TMCC3: variants seen among roughly 807,000 people sequenced by gnomAD.
TMCC3 encodes the protein transmembrane and coiled-coil domain protein 3.
A neutral mutation model predicts 40.2 loss-of-function variants in TMCC3; 28 were observed. The observed-to-expected ratio is 0.70, with a 90% CI of 0.52 to 0.95. The LOEUF (loss-of-function observed/expected upper bound fraction) is 0.95. TMCC3 is among the 40% of genes least tolerant of loss of function. The probability of loss-of-function intolerance (pLI) is 0.00; values close to 1 mark genes in which losing one functional copy is unlikely to be tolerated. For missense variants in TMCC3, 554 were observed against 615.2 expected, an observed-to-expected ratio of 0.90 and a Z score of 1.05; for synonymous variants, 255 against 248.5, an observed-to-expected ratio of 1.03 and a Z score of -0.25.
intron 2 of TMCC3, 140 bp from the exon 3 acceptor site, chr12:94,578,669 G>T: frequency 3.2e-6 from 3 of 933,000 alleles, no homozygotes; most frequent in Non-Finnish European, 3.1e-6. Context: ...AGTAAGGCTA[G>T]CTGTGGGAAT....
intron 3 of TMCC3, among the ~76,000 whole-genome samples, chr12:94,574,055 T>C (rs1336869352): frequency 3.9e-5 from 6 of 152,076 alleles, no homozygotes; most frequent in Admixed American, 2.6e-4. Context: ...ACACACTGGC[T>C]GAATATGAAA....
chr12:94,624,799 G>C (rs2068894639), intron 1 of TMCC3, among the ~76,000 whole-genome samples: 1 of 151,998 alleles, frequency 6.6e-6, no homozygotes, highest in African/African-American at 2.4e-5. Flanking sequence ...TTAAGAGAGG[G>C]GGAAATGAAG....
chr12:94,649,279 T>G (rs889016723), intron 1 of TMCC3, among the ~76,000 whole-genome samples: 3 of 152,236 alleles, frequency 2.0e-5, no homozygotes, highest in Non-Finnish European at 4.4e-5. Context: ...ACCAAAATCC[T>G]GCACAAAGGG....
At position 94,571,606 on chromosome 12, in the gene TMCC3, G is replaced by A; in HGVS notation, c.1263C>T (p.Phe421=). ...ACACACACACTAAGATGACAGTCAT[G>A]AAGGCCAGGATCACGTTGATGCACC... is the stretch of plus-strand genomic sequence containing the variant. ...LGRCINVILA[F]MTVILVCVST... The change falls in exon 4 of 4, where the codon TTC becomes TTT. Residue 421 remains phenylalanine (F), a synonymous_variant. Coordinates refer to ENST00000261226, the MANE Select transcript of TMCC3 (RefSeq NM_020698.4). 1 of 1,614,200 alleles carries A rather than the reference G, an allele frequency of 6.2e-7. No homozygotes were observed. The highest frequency in any genetic ancestry group is 8.5e-7 in the Non-Finnish European group (1 of 1,180,050).
rs566743433 is a variant in TMCC3, at chr12:94,639,765, A to G, written c.78+10588T>C. Among the ~76,000 whole-genome samples, 38 of 35,022 alleles carry G rather than the reference A, an allele frequency of 1.1e-3. No individual in the cohort carries two copies. The South Asian group carries it at 0.025, about 23-fold the overall frequency. 23.0% of individuals were successfully genotyped at this position (35,022 alleles called of 152,430 possible). ...AAGGAAGCCAAAATCAAGAGGTAAG[A>G]AAAAAAAAAAAAAAAGAAGAAGAAA... On this transcript the variant is annotated intron_variant, in intron 1 of 3. Transcript: ENST00000261226.
rs1025610048 is a variant in TMCC3, at chr12:94,650,488, C to A, written c.-58G>T. ...CTGGGGCTGCCGCGCCGCGAGCCAC[C>A]GGCTGTGCTCGGGATCACCCTGGGA... On this transcript the variant is annotated 5_prime_UTR_variant, in exon 1 of 4. Coordinates refer to ENST00000261226, the MANE Select transcript of TMCC3 (RefSeq NM_020698.4). 8.3e-7 allele frequency: 1 copy of A among 1,207,230 alleles called. No homozygotes were observed. The highest frequency in any genetic ancestry group is 1.0e-6 in the Non-Finnish European group (1 of 963,408). 74.8% of individuals were successfully genotyped at this position (1,207,230 alleles called of 1,614,324 possible).
At chr12:94,629,857 AAAT>A (rs1164270138) in intron 1 of TMCC3, among the ~76,000 whole-genome samples, 14 of 152,374 alleles carry the variant, frequency 9.2e-5, no homozygotes, top group Non-Finnish European at 1.6e-4. Context: ...AATAAGGTTC[AAAT>A]GGAGACCCTG....
chr12:94,583,498 A>C (rs895963527), intron 1 of TMCC3, among the ~76,000 whole-genome samples: 1 of 152,096 alleles, frequency 6.6e-6, no homozygotes, highest in Non-Finnish European at 1.5e-5. Flanking sequence ...ACAGAGTGAG[A>C]CTCTGTCTCA....
chr12:94,628,193 A>C (rs1594294712), intron 1 of TMCC3, among the ~76,000 whole-genome samples: 1 of 152,162 alleles, frequency 6.6e-6, no homozygotes, highest in East Asian at 1.9e-4. Context: ...CATGTTGTGG[A>C]GACATAGGTA....
chr12:94,601,960 C>T (rs2068755832), intron 1 of TMCC3, among the ~76,000 whole-genome samples: 1 of 151,902 alleles, frequency 6.6e-6, no homozygotes, highest in East Asian at 1.9e-4. Flanking sequence ...TGAGTATTTG[C>T]TGTGATGTTC....
chr12:94,589,303 T>C (rs2068657805), intron 1 of TMCC3, among the ~76,000 whole-genome samples: 1 of 152,200 alleles, frequency 6.6e-6, no homozygotes, highest in Admixed American at 6.5e-5. Flanking sequence ...TTTGCCATCG[T>C]ATTAATGTCA....
At chr12:94,626,207 C>T (rs2068903539) in intron 1 of TMCC3, among the ~76,000 whole-genome samples, 1 of 152,166 alleles carries the variant, frequency 6.6e-6, no homozygotes, top group African/African-American at 2.4e-5. Context: ...AAATCGCCCC[C>T]ATAATCCAAT....
Position 94,603,098 on chromosome 12 carries a change from T to C in TMCC3, c.79-20560A>G, listed in dbSNP as rs117249447. 8.6e-3 allele frequency among the ~76,000 whole-genome samples: 1,312 copies of C among 152,294 alleles called. 25 individuals carry two copies. Among genetic ancestry groups the C allele is most frequent in the East Asian group, 0.065 (336 of 5,182 alleles). On this transcript the variant is annotated intron_variant, in intron 1 of 3. Coordinates refer to ENST00000261226, the MANE Select transcript of TMCC3 (RefSeq NM_020698.4). ...TTTATAATGAATCTTATTTTTTATT[T>C]TTTTGAGACAGAGTCTTGCTCTGTC... is the stretch of plus-strand genomic sequence containing the variant.
chr12:94,638,154 A>T (rs1285919850), intron 1 of TMCC3, among the ~76,000 whole-genome samples: 1 of 152,220 alleles, frequency 6.6e-6, no homozygotes, highest in Non-Finnish European at 1.5e-5. Flanking sequence ...TACGCAAAAT[A>T]TACACTCAAT....
At chr12:94,589,854 G>A (rs2068661699) in intron 1 of TMCC3, among the ~76,000 whole-genome samples, 1 of 152,172 alleles carries the variant, frequency 6.6e-6, no homozygotes, top group African/African-American at 2.4e-5. Flanking sequence ...TAGCTTAGGT[G>A]GGGCTCAACT....
chr12:94,584,183 G>A (rs1036622039), intron 1 of TMCC3, among the ~76,000 whole-genome samples: 8 of 152,156 alleles, frequency 5.3e-5, no homozygotes, highest in East Asian at 3.9e-4. Context: ...TCATGGGGGC[G>A]GATTTCTCAT....
chr12:94,639,169 A>T (rs1266509890), intron 1 of TMCC3, among the ~76,000 whole-genome samples: 5 of 152,234 alleles, frequency 3.3e-5, no homozygotes, highest in Non-Finnish European at 7.3e-5. Flanking sequence ...TAATACAGAG[A>T]GAAGCAAGCT....
chr12:94,619,265 T>C lies in TMCC3; in HGVS notation c.78+31088A>G, dbSNP rs561334508. On this transcript the variant is annotated intron_variant, in intron 1 of 3. Coordinates refer to ENST00000261226, the MANE Select transcript of TMCC3 (RefSeq NM_020698.4). ...GAGCAGGTCACATCCAGGAAATGGT[T>C]TGCCTGATCTAGAGCAGGATTTTCT... Among the ~76,000 whole-genome samples the C allele has an allele frequency of 8.5e-5, 13 of 152,318 alleles. No individual in the cohort carries two copies. In the South Asian group the frequency reaches 2.1e-3, roughly 24 times the overall value.
At chr12:94,583,864 T>C (rs1298207617) in intron 1 of TMCC3, among the ~76,000 whole-genome samples, 1 of 152,220 alleles carries the variant, frequency 6.6e-6, no homozygotes, top group African/African-American at 2.4e-5. Context: ...AAACAGCTCT[T>C]TGTAGAGTTC....
Sources: gnomAD v4.1 joint callset for allele counts (sites outside exome capture counted in the v4.1 genomes callset) on GRCh38, gnomAD v4.1.1 for gene constraint, MANE v1.5 for transcripts, NCBI Gene and HGNC (gene_info 2026-07-23, HGNC 2026-07-21) for gene names.